The following FAM13A variants were observed in gnomAD, a reference collection of about 807,000 sequenced individuals.
FAM13A encodes the protein protein FAM13A.
A neutral mutation model predicts 129.6 loss-of-function variants in FAM13A; 76 were observed. That is an observed-to-expected ratio of 0.59 (90% confidence interval 0.49 to 0.71). The LOEUF is 0.71. Among genes scored for constraint, FAM13A ranks in the 30% least tolerant of loss-of-function variants. The pLI is 0.00. For missense variants in FAM13A, 1,108 were observed against 1,249.3 expected, an observed-to-expected ratio of 0.89 and a Z score of 1.70; for synonymous variants, 443 against 449.9, an observed-to-expected ratio of 0.98 and a Z score of 0.20.
At chr4:88,999,859 G>T (rs1235375113) in intron 3 of FAM13A, among the ~76,000 whole-genome samples, 2 of 152,048 alleles carry the variant, frequency 1.3e-5, no homozygotes, top group Non-Finnish European at 2.9e-5. Context: ...TAATCATCTG[G>T]CTATCCCTTC....
chr4:88,839,188 T>C (rs1416224035), intron 7 of FAM13A, among the ~76,000 whole-genome samples: 1 of 152,232 alleles, frequency 6.6e-6, no homozygotes, highest in Non-Finnish European at 1.5e-5. Flanking sequence ...TTATAACATA[T>C]ATACCCATAT....
chr4:89,022,658 G>A (rs1767427168), intron 2 of FAM13A, among the ~76,000 whole-genome samples: 1 of 152,066 alleles, frequency 6.6e-6, no homozygotes. Flanking sequence ...CTAGTGACTT[G>A]CTTCTAACAA....
chr4:88,779,408 C>T (rs1419813893), intron 11 of FAM13A, among the ~76,000 whole-genome samples: 7 of 152,100 alleles, frequency 4.6e-5, no homozygotes, highest in Admixed American at 1.3e-4. Flanking sequence ...TATTAGTCGT[C>T]GTTGTGTTCC....
chr4:88,965,022 C>T (rs1759161981), intron 4 of FAM13A, among the ~76,000 whole-genome samples: 1 of 152,174 alleles, frequency 6.6e-6, no homozygotes, highest in African/African-American at 2.4e-5. Flanking sequence ...CCTCTTCTGA[C>T]ATAATGGGGG....
intron 7 of FAM13A, among the ~76,000 whole-genome samples, chr4:88,835,914 T>TG (rs1251363747): frequency 6.6e-6 from 1 of 152,140 alleles, no homozygotes; most frequent in Non-Finnish European, 1.5e-5. Flanking sequence ...GCCTGGGGGT[T>TG]GGGGACCCCT....
At chr4:88,802,650 A>G (rs1030119435) in intron 8 of FAM13A, among the ~76,000 whole-genome samples, 1 of 152,160 alleles carries the variant, frequency 6.6e-6, no homozygotes, top group African/African-American at 2.4e-5. Flanking sequence ...GAGCAACATA[A>G]TGACTGAAAC....
At position 88,847,104 on chromosome 4, in the gene FAM13A, T is replaced by C. The variant is rs184682663; in HGVS notation, c.1007+3916A>G. ...AGTAAACATCTCTTCACAGATACAGTAGATCTATGGATAGAGACAGGAAGT... is the reference window on the plus strand; with the variant it reads ...AGTAAACATCTCTTCACAGATACAGCAGATCTATGGATAGAGACAGGAAGT... On this transcript the variant is annotated intron_variant, in intron 7 of 23. Coordinates refer to ENST00000264344, the MANE Select transcript of FAM13A (RefSeq NM_014883.4). 2.5e-3 allele frequency among the ~76,000 whole-genome samples: 383 copies of C among 152,328 alleles called. 1 individual carries two copies. The highest frequency in any genetic ancestry group is 8.7e-3 in the African/African-American group (360 of 41,580).
chr4:88,938,355 T>A, intron 4 of FAM13A, 114 bp from the exon 5 acceptor site: 1 of 744,686 alleles, frequency 1.3e-6, no homozygotes, highest in Admixed American at 3.4e-5. Flanking sequence ...TAGGGATGCA[T>A]GGGATTTTCA....
chr4:88,831,751 A>C (rs1239666634), intron 7 of FAM13A, among the ~76,000 whole-genome samples: 54 of 152,234 alleles, frequency 3.5e-4, no homozygotes, highest in Admixed American at 3.5e-3. Flanking sequence ...GAAAGGACAC[A>C]AACAAATGGA....
At chr4:88,787,149 C>T (rs116182894) in intron 10 of FAM13A, among the ~76,000 whole-genome samples, 1,722 of 152,096 alleles carry the variant, frequency 0.011, 45 homozygotes, top group African/African-American at 0.039. Flanking sequence ...TAAATCTTTT[C>T]ATGGAGAATA....
rs3796659 is a variant in FAM13A, at chr4:88,787,064, T to C, written c.1271+689A>G. 9.9e-5 allele frequency among the ~76,000 whole-genome samples: 15 copies of C among 152,072 alleles called. No homozygotes were observed. The East Asian group carries it at 2.7e-3, about 27-fold the overall frequency. On this transcript the variant is annotated intron_variant, in intron 10 of 23. Transcript: ENST00000264344. ...ATATCTGTATAGTCTATTCTCTATATAAATTTATTTTCCTTGACAATTTAA... is the reference window on the plus strand; with the variant it reads ...ATATCTGTATAGTCTATTCTCTATACAAATTTATTTTCCTTGACAATTTAA...
At chr4:88,804,269 A>T (rs1728123959) in intron 8 of FAM13A, among the ~76,000 whole-genome samples, 1 of 152,118 alleles carries the variant, frequency 6.6e-6, no homozygotes, top group African/African-American at 2.4e-5. Flanking sequence ...ATAAATAAAT[A>T]AAATAAAATA....
At chr4:89,027,681 C>T (rs1768147589) in intron 2 of FAM13A, among the ~76,000 whole-genome samples, 1 of 152,046 alleles carries the variant, frequency 6.6e-6, no homozygotes, top group African/African-American at 2.4e-5. Context: ...GAATTGCCAG[C>T]ATTATTATTC....
intron 6 of FAM13A, among the ~76,000 whole-genome samples, chr4:88,895,052 C>T (rs2150181417): frequency 6.6e-6 from 1 of 152,034 alleles, no homozygotes; most frequent in Non-Finnish European, 1.5e-5. Flanking sequence ...TTCAAAATGG[C>T]TAAATATGAT....
intron 6 of FAM13A, among the ~76,000 whole-genome samples, chr4:88,858,256 C>T (rs899814588): frequency 6.6e-6 from 1 of 152,130 alleles, no homozygotes; most frequent in Non-Finnish European, 1.5e-5. Flanking sequence ...TTATTAATCT[C>T]GACACAGTTC....
At chr4:88,941,224 GAA>G (rs1354913251) in intron 4 of FAM13A, among the ~76,000 whole-genome samples, 13 of 152,124 alleles carry the variant, frequency 8.5e-5, no homozygotes, top group Non-Finnish European at 1.6e-4. Flanking sequence ...CTAAAATCAG[GAA>G]AGAGAGAAAA....
In FAM13A at chr4:88,746,956, A is replaced by G. The variant is rs1430902302; in HGVS notation, c.2442T>C (p.Tyr814=). The change falls in exon 19 of 24, where the codon TAT becomes TAC. Residue 814 remains tyrosine (Y), a synonymous_variant. Transcript: ENST00000264344. ...CCGGCCGTCCATGAATGCTTTCATA[A>G]TATAACAGAGCTTTCTGCAGAGCCA... The part of the protein sequence containing the change: ...EKVALQKALL[Y]YESIHGRPVT... The G allele has an allele frequency of 3.1e-6, 5 of 1,613,602 alleles. No individual in the cohort carries two copies. The East Asian group carries it at 1.1e-4, about 36-fold the overall frequency.
chr4:88,766,536 G>C (rs1174787554), intron 13 of FAM13A, among the ~76,000 whole-genome samples: 1 of 152,152 alleles, frequency 6.6e-6, no homozygotes, highest in East Asian at 1.9e-4. Context: ...CGTGTGTTCA[G>C]GGAGTGGGGA....
chr4:89,047,275 G>C (rs1273071656), intron 1 of FAM13A, among the ~76,000 whole-genome samples: 1 of 151,896 alleles, frequency 6.6e-6, no homozygotes, highest in South Asian at 2.1e-4. Context: ...GTTTTTTTTG[G>C]GGGGGTTGTC....
Sources: allele counts gnomAD v4.1 joint callset (sites outside exome capture counted in the v4.1 genomes callset), GRCh38; gene constraint gnomAD v4.1.1; transcripts MANE v1.5; gene names NCBI Gene and HGNC (gene_info 2026-07-23, HGNC 2026-07-21).